Variants in LIMCH1 observed in about 807,000 individuals in gnomAD.
LIMCH1 encodes LIM and calponin homology domains 1, also known as LIM and calponin homology domains-containing protein 1.
LIMCH1 carries 113 observed loss-of-function variants against 176.5 expected under a neutral mutation model. The ratio of observed to expected loss-of-function variants is 0.64; its 90% CI spans 0.55 to 0.75. The LOEUF is 0.75. Among genes scored for constraint, LIMCH1 ranks in the 30% least tolerant of loss-of-function variants. The probability of loss-of-function intolerance (pLI) is 0.00; values close to 1 mark genes in which losing one functional copy is unlikely to be tolerated. For missense variants in LIMCH1, 1,674 were observed against 1,814.9 expected, an observed-to-expected ratio of 0.92 and a Z score of 1.41; for synonymous variants, 619 against 645.9, an observed-to-expected ratio of 0.96 and a Z score of 0.63.
rs1554094701 is a variant in LIMCH1, at chr4:41,547,861, GTGTATATA to G, written c.-241+9513_-241+9520del. 3.4e-3 allele frequency among the ~76,000 whole-genome samples: 289 copies of G among 84,972 alleles called. 3 individuals carry two copies. Among genetic ancestry groups the G allele is most frequent in the African/African-American group, 9.7e-3 (247 of 25,378 alleles). 55.7% of individuals were successfully genotyped at this position (84,972 alleles called of 152,430 possible). ...GTTTTATGATATATAATTTGTGTGT[GTGTATATA>G]TATATATATATATATATATATATAT... On this transcript the variant is annotated intron_variant, in intron 1 of 31. Transcript: ENST00000503057.
chr4:41,389,689 T>A (rs1393718721), intron 1 of LIMCH1: 1 of 152,232 alleles, frequency 6.6e-6, no homozygotes, highest in Admixed American at 6.5e-5. Context: ...ACCTGCCTGC[T>A]CATCAGAATC....
intron 1 of LIMCH1, among the ~76,000 whole-genome samples, chr4:41,563,801 T>G (rs1440324012): frequency 6.6e-6 from 1 of 152,216 alleles, no homozygotes; most frequent in East Asian, 1.9e-4. Flanking sequence ...ACTAAAGTCC[T>G]AATATATCTC....
At chr4:41,414,006 G>T (rs945487030) in intron 1 of LIMCH1, among the ~76,000 whole-genome samples, 1 of 152,068 alleles carries the variant, frequency 6.6e-6, no homozygotes, top group African/African-American at 2.4e-5. Flanking sequence ...TCATTAGAGG[G>T]TAATAAATAT....
At chr4:41,618,709 C>T (rs946675440) in intron 5 of LIMCH1, among the ~76,000 whole-genome samples, 11 of 152,160 alleles carry the variant, frequency 7.2e-5, no homozygotes, top group African/African-American at 2.7e-4. Flanking sequence ...ATCTGTGCTT[C>T]TTGATTATAA....
chr4:41,371,556 G>C (rs2053962931), intron 1 of LIMCH1, among the ~76,000 whole-genome samples: 1 of 152,124 alleles, frequency 6.6e-6, no homozygotes, highest in Non-Finnish European at 1.5e-5. Flanking sequence ...AGGAAAATGT[G>C]GATTTAGGGT....
intron 1 of LIMCH1, among the ~76,000 whole-genome samples, chr4:41,379,146 G>A (rs1276113341): frequency 4.6e-5 from 7 of 152,174 alleles, no homozygotes; most frequent in Admixed American, 3.3e-4. Context: ...TAGTTAGATG[G>A]TTCTGGCTCG....
At chr4:41,673,841 A>G (rs2095130685) in intron 22 of LIMCH1, among the ~76,000 whole-genome samples, 2 of 152,188 alleles carry the variant, frequency 1.3e-5, no homozygotes, top group African/African-American at 4.8e-5. Context: ...AAAGTGGGTT[A>G]AATGCTGTCC....
chr4:41,632,733 A>G lies in LIMCH1; in HGVS notation c.1602-16A>G, dbSNP rs754805931. 8 of 1,528,914 alleles carry G rather than the reference A, an allele frequency of 5.2e-6. No individual in the cohort carries two copies. The highest frequency in any genetic ancestry group is 2.4e-5 in the East Asian group (1 of 40,888). The allele number at this position is 1,528,914 out of a possible 1,614,324, so 94.7% of individuals were successfully genotyped here. ...CCTCTCCTCTCTTGCCACCAATGCT[A>G]CTTGATCGTCTGCAGAACAATGAAT... On this transcript the variant is annotated splice_polypyrimidine_tract_variant and intron_variant, in intron 10 of 31. Coordinates refer to ENST00000503057, the MANE Select transcript of LIMCH1 (RefSeq NM_001330672.2).
intron 1 of LIMCH1, among the ~76,000 whole-genome samples, chr4:41,415,730 C>T (rs1380655226): frequency 6.6e-6 from 1 of 152,140 alleles, no homozygotes; most frequent in African/African-American, 2.4e-5. Flanking sequence ...GTAATCCCAG[C>T]ACTTTGGGAG....
intron 1 of LIMCH1, among the ~76,000 whole-genome samples, chr4:41,404,670 T>A (rs913297506): frequency 2.0e-5 from 3 of 152,004 alleles, no homozygotes; most frequent in Admixed American, 1.3e-4. Context: ...TCCCAGCTAC[T>A]GGGGAGGCTG....
rs888268295 is a variant in LIMCH1 at position 41,699,091 on chromosome 4, A to C, written c.*1906A>C. 6.6e-6 allele frequency: 1 copy of C among 152,246 alleles called. No individual in the cohort carries two copies. Among genetic ancestry groups the C allele is most frequent in the African/African-American group, 2.4e-5 (1 of 41,474 alleles). 9.4% of individuals were successfully genotyped at this position (152,246 alleles called of 1,614,324 possible). A position where few individuals can be genotyped will look rare whatever the true frequency, so the allele number is the denominator to read the frequency against. Reference sequence around the variant, plus strand: ...CCTGCATGTTTTATTAAATATTTTGATAATGTGGATGTTTACACTTTGCAT... The same window carrying C: ...CCTGCATGTTTTATTAAATATTTTGCTAATGTGGATGTTTACACTTTGCAT... On this transcript the variant is annotated 3_prime_UTR_variant, in exon 32 of 32. Transcript: ENST00000503057.
intron 1 of LIMCH1, among the ~76,000 whole-genome samples, chr4:41,446,007 G>A (rs1273533172): frequency 6.6e-6 from 1 of 152,188 alleles, no homozygotes; most frequent in African/African-American, 2.4e-5. Flanking sequence ...ATAACAGAAC[G>A]AAGTTTCCCT....
At chr4:41,656,193 T>A (rs1253651558) in intron 18 of LIMCH1, among the ~76,000 whole-genome samples, 1 of 152,232 alleles carries the variant, frequency 6.6e-6, no homozygotes, top group Non-Finnish European at 1.5e-5. Flanking sequence ...TGTTTTCTGA[T>A]CCAGGAAAAC....
intron 1 of LIMCH1, among the ~76,000 whole-genome samples, chr4:41,405,531 T>TA (rs1398414418): frequency 6.6e-6 from 1 of 152,138 alleles, no homozygotes; most frequent in Non-Finnish European, 1.5e-5. Context: ...TAGTCTGACT[T>TA]ATAATGTGGT....
intron 2 of LIMCH1, among the ~76,000 whole-genome samples, chr4:41,496,002 T>TA (rs1211023937): frequency 1.3e-5 from 2 of 152,242 alleles, no homozygotes; most frequent in African/African-American, 4.8e-5. Context: ...AAGCTGCAGT[T>TA]ACTTCAGTGG....
At chr4:41,494,589 T>C (rs373273277) in exon 2 of LIMCH1, 2 of 1,611,966 alleles carry the variant, frequency 1.2e-6, no homozygotes, top group African/African-American at 2.7e-5. Flanking sequence ...GTTTAGAAAA[T>C]GGAATCCTCC....
At chr4:41,505,493 T>A (rs770642481) in intron 2 of LIMCH1, among the ~76,000 whole-genome samples, 2 of 152,202 alleles carry the variant, frequency 1.3e-5, no homozygotes, top group Non-Finnish European at 2.9e-5. Context: ...GAACTTTGGC[T>A]GGCAGAGCTT....
chr4:41,565,009 C>A (rs978679901), intron 1 of LIMCH1, among the ~76,000 whole-genome samples: 10 of 152,156 alleles, frequency 6.6e-5, no homozygotes, highest in African/African-American at 2.4e-4. Context: ...AACCTCTTTC[C>A]TTTATAAATT....
intron 20 of LIMCH1, among the ~76,000 whole-genome samples, chr4:41,664,208 C>G (rs1467013845): frequency 6.6e-6 from 1 of 152,190 alleles, no homozygotes; most frequent in African/African-American, 2.4e-5. Flanking sequence ...TACCACCTTT[C>G]AGAATGGACC....
Sources: gnomAD v4.1 joint callset for allele counts (sites outside exome capture counted in the v4.1 genomes callset) on GRCh38, gnomAD v4.1.1 for gene constraint, MANE v1.5 for transcripts, NCBI Gene and HGNC (gene_info 2026-07-23, HGNC 2026-07-21) for gene names.